Variants in XPO6 observed in about 807,000 individuals in gnomAD.
XPO6 encodes exportin 6.
Under a neutral mutation model 130.0 loss-of-function variants are expected in XPO6, and 3 were observed. The observed-to-expected ratio is 0.02, with a 90% CI of 0.01 to 0.06. XPO6 has a LOEUF of 0.06. XPO6 is among the 10% of genes least tolerant of loss of function. The pLI is 1.00. For synonymous variants in XPO6, 524 were observed against 548.9 expected (o/e 0.95, Z 0.63); for missense variants, 970 against 1,393.0 (o/e 0.70, Z 4.83).
Position 28,179,788 on chromosome 16 carries a change from A to G in XPO6, c.94+1153T>C, listed in dbSNP as rs964858232. Among the ~76,000 whole-genome samples the G allele has an allele frequency of 3.3e-5, 5 of 152,194 alleles. No individual in the cohort carries two copies. In the East Asian group the frequency reaches 9.6e-4, roughly 29 times the overall value. Reference sequence around the variant, plus strand: ...GTCCACACACTCAAATAAAGCTACAATGACTAGGTACAAAGAGAACTGAAC... The same window carrying G: ...GTCCACACACTCAAATAAAGCTACAGTGACTAGGTACAAAGAGAACTGAAC... On this transcript the variant is annotated intron_variant, in intron 2 of 23. Transcript: ENST00000304658.
rs1161040842 is a variant in XPO6, at chr16:28,099,035, G to A, written c.3277-396C>T. Among the ~76,000 whole-genome samples the A allele has an allele frequency of 2.6e-5, 4 of 152,264 alleles. 1 individual carries two copies. The highest frequency in any genetic ancestry group is 4.1e-4 in the South Asian group (2 of 4,822). On this transcript the variant is annotated intron_variant, in intron 23 of 23. Transcript: ENST00000304658. ...GACCAGCACACTTGCTCCTGAGTCC[G>A]GCCCCTCAAACGCAGACATGGCTGT...
intron 4 of XPO6, 42 bp downstream of exon 4, chr16:28,175,856 C>A: frequency 6.3e-7 from 1 of 1,576,504 alleles, no homozygotes; most frequent in Non-Finnish European, 8.7e-7. Context: ...CTTCAACAAA[C>A]AAACTATTCA....
At chr16:28,163,095 A>T (rs1481527483) in intron 6 of XPO6, among the ~76,000 whole-genome samples, 2 of 152,244 alleles carry the variant, frequency 1.3e-5, no homozygotes, top group East Asian at 3.9e-4. Context: ...ACACTGACAA[A>T]TATCCCCTGC....
At chr16:28,152,566 G>T in intron 8 of XPO6, 93 bp downstream of exon 8, 8 of 1,453,600 alleles carry the variant, frequency 5.5e-6, no homozygotes, top group Non-Finnish European at 7.4e-6. Context: ...TTAATGTTTG[G>T]AAAATAAAGT....
At chr16:28,112,093 G>T in intron 16 of XPO6, 87 bp from the exon 17 acceptor site, 1 of 1,440,668 alleles carries the variant, frequency 6.9e-7, no homozygotes, top group Non-Finnish European at 9.4e-7. Flanking sequence ...GCACCCGCTG[G>T]CTGCACACCT....
chr16:28,187,653 A>G (rs2043717019), intron 1 of XPO6, among the ~76,000 whole-genome samples: 2 of 149,880 alleles, frequency 1.3e-5, no homozygotes, highest in Admixed American at 6.7e-5. Context: ...TTCTCTACCC[A>G]GAACATCAAC....
intron 9 of XPO6, among the ~76,000 whole-genome samples, chr16:28,140,331 T>G (rs1179085120): frequency 6.6e-6 from 1 of 151,398 alleles, no homozygotes; most frequent in Non-Finnish European, 1.5e-5. Context: ...ACAGGAAATC[T>G]CCAAAGAAAT....
intron 8 of XPO6, among the ~76,000 whole-genome samples, chr16:28,151,970 G>T (rs745749888): frequency 6.6e-6 from 1 of 152,188 alleles, no homozygotes; most frequent in Non-Finnish European, 1.5e-5. Flanking sequence ...ACAGCTCCAT[G>T]AATTCACTGA....
chr16:28,112,819 AT>A (rs2086959215), intron 16 of XPO6, 84 bp downstream of exon 16: 10 of 1,516,970 alleles, frequency 6.6e-6, no homozygotes, highest in Non-Finnish European at 8.9e-6. Context: ...TGAGTACAAA[AT>A]CAAAGGCCAG....
chr16:28,205,105 T>C (rs1282726919), intron 1 of XPO6, among the ~76,000 whole-genome samples: 1 of 151,902 alleles, frequency 6.6e-6, no homozygotes, highest in Non-Finnish European at 1.5e-5. Context: ...AGAGACCAAG[T>C]ACAGGCCACT....
intron 4 of XPO6, among the ~76,000 whole-genome samples, chr16:28,170,788 C>T (rs938806835): frequency 6.6e-5 from 10 of 152,136 alleles, no homozygotes; most frequent in South Asian, 2.1e-4. Flanking sequence ...GTTTCTATCA[C>T]GTGTAATAGT....
At chr16:28,170,332 CAAAAAAAA>C (rs10638478) in intron 4 of XPO6, among the ~76,000 whole-genome samples, 3 of 81,344 alleles carry the variant, frequency 3.7e-5, no homozygotes, top group African/African-American at 1.2e-4. Context: ...AACTCTGTCT[CAAAAAAAA>C]AAAAAAAAAA....
chr16:28,175,214 C>G (rs2043514585), intron 4 of XPO6, among the ~76,000 whole-genome samples: 1 of 151,976 alleles, frequency 6.6e-6, no homozygotes, highest in Admixed American at 6.5e-5. Context: ...CACCTCCACC[C>G]ACCAGGTCGT....
At chr16:28,119,996 A>G (rs1294866281) in intron 14 of XPO6, among the ~76,000 whole-genome samples, 1 of 152,098 alleles carries the variant, frequency 6.6e-6, no homozygotes, top group Non-Finnish European at 1.5e-5. Flanking sequence ...TGCAAGTGCC[A>G]CCATGCCCGG....
chr16:28,153,353 A>C (rs1334749702), intron 7 of XPO6: 13 of 985,676 alleles, frequency 1.3e-5, no homozygotes, highest in African/African-American at 1.7e-5. Context: ...GAGGAAGGCT[A>C]TTAGAACTGG....
intron 4 of XPO6, among the ~76,000 whole-genome samples, chr16:28,174,741 T>C (rs773321389): frequency 6.6e-6 from 1 of 152,222 alleles, no homozygotes; most frequent in Non-Finnish European, 1.5e-5. Context: ...GGCAGAACAT[T>C]AGAAAATGAT....
At chr16:28,180,799 G>T in intron 2 of XPO6, 142 bp downstream of exon 2, 1 of 578,876 alleles carries the variant, frequency 1.7e-6, no homozygotes, top group Non-Finnish European at 2.9e-6. Flanking sequence ...CCAGCCACCA[G>T]CCAACAGAAC....
chr16:28,125,294 TCTTTATC>T (rs2087366964), intron 13 of XPO6, among the ~76,000 whole-genome samples: 1 of 152,212 alleles, frequency 6.6e-6, no homozygotes, highest in Non-Finnish European at 1.5e-5. Context: ...TCTTAATATC[TCTTTATC>T]CTATGAGGAA....
intron 11 of XPO6, among the ~76,000 whole-genome samples, chr16:28,133,079 G>A (rs956757051): frequency 6.6e-6 from 1 of 152,222 alleles, no homozygotes; most frequent in Non-Finnish European, 1.5e-5. Context: ...GCTCACGCCT[G>A]TAAATCCCAG....
Sources: allele counts gnomAD v4.1 joint callset (sites outside exome capture counted in the v4.1 genomes callset), GRCh38; gene constraint gnomAD v4.1.1; transcripts MANE v1.5; gene names NCBI Gene and HGNC (gene_info 2026-07-23, HGNC 2026-07-21).